The following GLT8D2 variants were observed in gnomAD, a reference collection of about 807,000 sequenced individuals.
GLT8D2 encodes glycosyltransferase 8 domain-containing protein 2.
A neutral mutation model predicts 44.5 loss-of-function variants in GLT8D2; 45 were observed. The ratio of observed to expected loss-of-function variants is 1.01; its 90% CI spans 0.80 to 1.30. The LOEUF (loss-of-function observed/expected upper bound fraction) is 1.30. GLT8D2 is among the 50% of genes most tolerant of loss of function. The pLI is 0.00. For synonymous variants in GLT8D2, 156 were observed against 157.2 expected (o/e 0.99, Z 0.06); for missense variants, 400 against 430.4 (o/e 0.93, Z 0.62).
intron 1 of GLT8D2, among the ~76,000 whole-genome samples, chr12:104,026,570 A>G (rs1878602738): frequency 6.6e-6 from 1 of 152,184 alleles, no homozygotes; most frequent in Admixed American, 6.5e-5. Flanking sequence ...TCATTAGGAG[A>G]AGTGGTAGGC....
chr12:104,028,134 G>A (rs969519004), intron 1 of GLT8D2, among the ~76,000 whole-genome samples: 6 of 152,150 alleles, frequency 3.9e-5, no homozygotes, highest in Non-Finnish European at 8.8e-5. Context: ...GCAGATAATC[G>A]CATGCCAATT....
intron 4 of GLT8D2, chr12:104,012,601 C>G (rs1241755562): frequency 4.5e-6 from 2 of 448,776 alleles, no homozygotes; most frequent in Non-Finnish European, 7.8e-6. Context: ...GGAGTCAGTT[C>G]AGATGACATT....
intron 1 of GLT8D2, among the ~76,000 whole-genome samples, chr12:104,061,103 A>G (rs1032242326): frequency 4.6e-5 from 7 of 152,226 alleles, no homozygotes; most frequent in Non-Finnish European, 7.3e-5. Flanking sequence ...CAGGGATCAC[A>G]GCCCTACTGA....
chr12:104,012,189 A>AATAT (rs71069712), intron 4 of GLT8D2, among the ~76,000 whole-genome samples: 17 of 98,442 alleles, frequency 1.7e-4, no homozygotes, highest in Non-Finnish European at 2.6e-4. Flanking sequence ...AAAAAAAAAA[A>AATAT]ATATATATAT....
chr12:104,017,130 G>C (rs1158777044), intron 3 of GLT8D2, among the ~76,000 whole-genome samples: 1 of 152,084 alleles, frequency 6.6e-6, no homozygotes, highest in Admixed American at 6.5e-5. Context: ...ATATGAGAAA[G>C]TCAATCTTTC....
intron 6 of GLT8D2, among the ~76,000 whole-genome samples, chr12:103,999,048 C>T (rs544695016): frequency 6.6e-6 from 1 of 152,344 alleles, no homozygotes; most frequent in Admixed American, 6.5e-5. Flanking sequence ...CGTACAATCA[C>T]AGTTAAATAT....
At chr12:104,019,760 G>C in intron 2 of GLT8D2, 84 bp from the exon 3 acceptor site, 1 of 826,300 alleles carries the variant, frequency 1.2e-6, no homozygotes, top group South Asian at 1.6e-5. Context: ...TGCCTTCCCT[G>C]AAAGACTGAT....
chr12:104,033,471 G>GT (rs1455162762), intron 1 of GLT8D2, among the ~76,000 whole-genome samples: 1 of 152,148 alleles, frequency 6.6e-6, no homozygotes, highest in Non-Finnish European at 1.5e-5. Flanking sequence ...GAAACAGAGA[G>GT]TAGAAGGGTG....
upstream of GLT8D2, chr12:104,064,406 G>GC: frequency 1.6e-6 from 1 of 639,450 alleles, no homozygotes; most frequent in Non-Finnish European, 2.4e-6. The surrounding 1 kb of genome is among the most constrained non-coding windows in gnomAD (Gnocchi z 7.3). Flanking sequence ...CCCTTCCCCA[G>GC]CGTCTCTCCA....
In GLT8D2 at chr12:103,996,729, G is replaced by A. The variant is rs1873470992; in HGVS notation, c.600+6C>T. ...AGGGAGGATTTCTGAGACAGCATATGCCCACCTGAAGTCCCACGAGTCTGT... is the reference window on the plus strand; with the variant it reads ...AGGGAGGATTTCTGAGACAGCATATACCCACCTGAAGTCCCACGAGTCTGT... On this transcript the variant is annotated splice_donor_region_variant and intron_variant, in intron 8 of 10. Transcript: ENST00000360814. The A allele has an allele frequency of 3.8e-6, 6 of 1,595,928 alleles. No homozygotes were observed. The highest frequency in any genetic ancestry group is 2.6e-6 in the Non-Finnish European group (3 of 1,165,142).
At chr12:104,005,412 C>T (rs765287212) in intron 4 of GLT8D2, among the ~76,000 whole-genome samples, 10 of 152,058 alleles carry the variant, frequency 6.6e-5, no homozygotes, top group Non-Finnish European at 1.0e-4. Flanking sequence ...AGCTTCTGCA[C>T]GGCAAAAGAA....
intron 1 of GLT8D2, among the ~76,000 whole-genome samples, chr12:104,059,877 C>T (rs1882481234): frequency 6.6e-6 from 1 of 152,168 alleles, no homozygotes; most frequent in South Asian, 2.1e-4. Flanking sequence ...TAACAATTTA[C>T]ACAGTACCTC....
chr12:104,052,526 A>G (rs566083553), upstream of GLT8D2, among the ~76,000 whole-genome samples: 10 of 152,304 alleles, frequency 6.6e-5, no homozygotes, highest in African/African-American at 1.9e-4. Flanking sequence ...GCATATTTCA[A>G]ATACTAGGAT....
chr12:104,044,960 T>C (rs1169412725), intron 1 of GLT8D2, among the ~76,000 whole-genome samples: 2 of 152,228 alleles, frequency 1.3e-5, no homozygotes, highest in Non-Finnish European at 2.9e-5. Context: ...TTTTTGGAAG[T>C]TGTAAACATC....
intron 1 of GLT8D2, among the ~76,000 whole-genome samples, chr12:104,044,479 T>G (rs1286102857): frequency 6.6e-6 from 1 of 152,244 alleles, no homozygotes; most frequent in Non-Finnish European, 1.5e-5. Flanking sequence ...AATGTGCAAC[T>G]GTCTCCTCAG....
At chr12:104,012,722 A>C (rs1593541195) in intron 4 of GLT8D2, 1 of 667,138 alleles carries the variant, frequency 1.5e-6, no homozygotes, top group East Asian at 2.8e-5. Flanking sequence ...TTAACGTCTT[A>C]GCTTCCAGCA....
In GLT8D2 at chr12:104,003,247, C is replaced by A. The variant is rs756479742; in HGVS notation, c.172G>T (p.Ala58Ser). 12 of 1,613,992 alleles carry A rather than the reference C, an allele frequency of 7.4e-6. No individual in the cohort carries two copies. Among genetic ancestry groups the A allele is most frequent in the African/African-American group, 1.3e-5 (1 of 74,910 alleles). The change falls in exon 5 of 11, where the codon GCA becomes TCA. Residue 58 changes from alanine (A) to serine (S), a missense_variant. Coordinates refer to ENST00000360814, the MANE Select transcript of GLT8D2 (RefSeq NM_001384711.1). Reference protein sequence around the residue: ...EEEIPVVICAAAGRMGATMAA... With the variant: ...EEEIPVVICASAGRMGATMAA... The stretch of plus-strand genomic sequence containing the variant: ...ATAGTGGCACCCATCCTCCCTGCTG[C>A]AGCACAAATCACCACAGGAATCTCT...
upstream of GLT8D2, among the ~76,000 whole-genome samples, chr12:104,050,620 T>C (rs1354551983): frequency 1.3e-5 from 2 of 152,142 alleles, no homozygotes; most frequent in South Asian, 2.1e-4. Context: ...AACAGCAATC[T>C]GCGCTGTTCT....
chr12:104,010,705 C>G (rs905093774), intron 4 of GLT8D2, among the ~76,000 whole-genome samples: 1 of 152,144 alleles, frequency 6.6e-6, no homozygotes, highest in Non-Finnish European at 1.5e-5. Context: ...GCCACAATGC[C>G]TGGAAGAATC....
Sources: gnomAD v4.1 joint callset for allele counts (sites outside exome capture counted in the v4.1 genomes callset) on GRCh38, gnomAD v4.1.1 for gene constraint, Gnocchi (gnomAD v3.1) non-coding constraint, MANE v1.5 for transcripts, NCBI Gene and HGNC (gene_info 2026-07-23, HGNC 2026-07-21) for gene names.